ROBO2: variants seen among roughly 807,000 people sequenced by gnomAD.
ROBO2 encodes the protein roundabout guidance receptor 2.
In ROBO2, 53 loss-of-function variants were observed where a neutral mutation model predicts 160.8. The observed-to-expected ratio is 0.33, with a 90% CI of 0.26 to 0.41. ROBO2 has a LOEUF of 0.41. Among genes scored for constraint, ROBO2 ranks in the 10% least tolerant of loss-of-function variants. The probability of loss-of-function intolerance (pLI) is 1.00; values close to 1 mark genes in which losing one functional copy is unlikely to be tolerated. For missense variants in ROBO2, 1,577 were observed against 1,722.4 expected (o/e 0.92, Z 1.49); for synonymous variants, 664 against 611.7 (o/e 1.09, Z -1.26).
intron 2 of ROBO2, among the ~76,000 whole-genome samples, chr3:76,842,522 A>G (rs77634624): frequency 8.5e-5 from 13 of 152,286 alleles, no homozygotes; most frequent in African/African-American, 2.9e-4. Flanking sequence ...GACTTTAGGT[A>G]AACAACATAC....
At chr3:76,407,318 C>G (rs17014094) in intron 2 of ROBO2, among the ~76,000 whole-genome samples, 28,029 of 151,802 alleles carry the variant, frequency 0.18, 3,044 homozygotes, top group African/African-American at 0.3. Flanking sequence ...CTAAACTATT[C>G]CTGTTAATTT....
chr3:76,770,078 G>A (rs1480530265), intron 2 of ROBO2, among the ~76,000 whole-genome samples: 4 of 151,404 alleles, frequency 2.6e-5, no homozygotes, highest in African/African-American at 9.7e-5. Context: ...TCCAAGTATA[G>A]CAGGGTCTTT....
intron 2 of ROBO2, among the ~76,000 whole-genome samples, chr3:76,336,972 T>C (rs2073933704): frequency 6.6e-6 from 1 of 152,150 alleles, no homozygotes; most frequent in Admixed American, 6.5e-5. Flanking sequence ...AAAAATGTTA[T>C]TGGGTATTTA....
intron 2 of ROBO2, among the ~76,000 whole-genome samples, chr3:76,004,561 A>T (rs2065970798): frequency 6.6e-6 from 1 of 152,146 alleles, no homozygotes. Context: ...TCACTTCCTG[A>T]TTCAGAGGTG....
At chr3:77,047,518 CTATT>C (rs1315304025) in intron 1 of ROBO2, among the ~76,000 whole-genome samples, 6 of 150,622 alleles carry the variant, frequency 4.0e-5, no homozygotes, top group Admixed American at 2.7e-4. Context: ...AACCCCCTCT[CTATT>C]TAAAAAAAAT....
At chr3:76,561,845 C>T (rs953709991) in intron 2 of ROBO2, among the ~76,000 whole-genome samples, 7 of 152,128 alleles carry the variant, frequency 4.6e-5, no homozygotes, top group Non-Finnish European at 7.4e-5. Context: ...GCCTTTTCTC[C>T]GTGCTATTCA....
intron 2 of ROBO2, among the ~76,000 whole-genome samples, chr3:76,666,322 A>G (rs1319752700): frequency 1.3e-5 from 2 of 152,044 alleles, no homozygotes; most frequent in Non-Finnish European, 2.9e-5. Context: ...CTCAATGATG[A>G]CCAACTTTTA....
At position 77,108,060 on chromosome 3, in the gene ROBO2, C is replaced by T. The variant is rs542004201; in HGVS notation, c.388+9720C>T. ...AACATGAGGTATATTTGATATAAAC[C>T]ATTTTATATAAATCCACCTACCTCA... On this transcript the variant is annotated intron_variant, in intron 2 of 25. Coordinates refer to ENST00000461745, the Ensembl canonical transcript of ROBO2. Among the ~76,000 whole-genome samples the T allele has an allele frequency of 4.0e-5, 6 of 151,394 alleles. No homozygotes were observed. The South Asian group carries it at 1.3e-3, about 32-fold the overall frequency.
intron 2 of ROBO2, among the ~76,000 whole-genome samples, chr3:77,451,974 G>A (rs796338364): frequency 6.6e-6 from 1 of 151,882 alleles, no homozygotes; most frequent in African/African-American, 2.4e-5. Context: ...CTGTGTCCAA[G>A]TGTTTTCATT....
chr3:76,049,009 G>C (rs557222899), intron 2 of ROBO2, among the ~76,000 whole-genome samples: 76 of 151,986 alleles, frequency 5.0e-4, no homozygotes, highest in African/African-American at 1.8e-3. Flanking sequence ...CACATATGAT[G>C]GTACAACTAT....
chr3:77,200,321 A>ATT (rs201851831), intron 2 of ROBO2, among the ~76,000 whole-genome samples: 2 of 54,916 alleles, frequency 3.6e-5, no homozygotes, highest in East Asian at 9.8e-4. Context: ...ATATATATAT[A>ATT]TTTTAGTTTC....
At chr3:77,559,133 T>C (rs1391606672) in intron 9 of ROBO2, among the ~76,000 whole-genome samples, 1 of 152,078 alleles carries the variant, frequency 6.6e-6, no homozygotes, top group Admixed American at 6.6e-5. Context: ...ACTTGCTTCC[T>C]CCAAGTCAGC....
At chr3:76,461,038 C>A (rs2078058650) in intron 2 of ROBO2, among the ~76,000 whole-genome samples, 1 of 152,104 alleles carries the variant, frequency 6.6e-6, no homozygotes, top group Admixed American at 6.6e-5. Flanking sequence ...TAAAGAAATA[C>A]CTGAGACTGG....
intron 2 of ROBO2, among the ~76,000 whole-genome samples, chr3:76,855,105 A>G (rs1297554419): frequency 6.6e-6 from 1 of 152,198 alleles, no homozygotes; most frequent in African/African-American, 2.4e-5. Context: ...ATTAAGTAAA[A>G]TTCACACATG....
intron 2 of ROBO2, among the ~76,000 whole-genome samples, chr3:76,925,231 AT>A (rs1447100848): frequency 1.3e-5 from 2 of 150,210 alleles, no homozygotes; most frequent in East Asian, 3.9e-4. Context: ...AAAAAAAAAA[AT>A]CTGGTTTGCT....
intron 2 of ROBO2, among the ~76,000 whole-genome samples, chr3:76,990,184 G>A (rs1477657517): frequency 1.3e-5 from 2 of 152,212 alleles, no homozygotes; most frequent in East Asian, 1.9e-4. Flanking sequence ...GATTCATCAC[G>A]ATGTATTTTC....
chr3:77,392,977 G>A (rs1318529961), intron 2 of ROBO2, among the ~76,000 whole-genome samples: 1 of 152,134 alleles, frequency 6.6e-6, no homozygotes, highest in Admixed American at 6.6e-5. Flanking sequence ...TCATAAAATT[G>A]TAGGTTCAGA....
intron 2 of ROBO2, among the ~76,000 whole-genome samples, chr3:76,702,462 CA>C (rs1431856774): frequency 6.6e-5 from 10 of 151,724 alleles, no homozygotes; most frequent in African/African-American, 2.4e-4. Flanking sequence ...AACAAACAAA[CA>C]AACAGAAAAC....
intron 2 of ROBO2, among the ~76,000 whole-genome samples, chr3:76,883,135 T>C (rs2073527080): frequency 6.6e-6 from 1 of 151,032 alleles, no homozygotes; most frequent in Non-Finnish European, 1.5e-5. Flanking sequence ...ATATTATAAC[T>C]ATTTTAATTA....
Sources: allele counts gnomAD v4.1 joint callset (sites outside exome capture counted in the v4.1 genomes callset), GRCh38; gene constraint gnomAD v4.1.1; transcripts MANE v1.5; gene names NCBI Gene and HGNC (gene_info 2026-07-23, HGNC 2026-07-21).